KITLG: variants seen among roughly 807,000 people sequenced by gnomAD.
KITLG encodes c-Kit ligand.
A neutral mutation model predicts 34.1 loss-of-function variants in KITLG; 13 were observed. The ratio of observed to expected loss-of-function variants is 0.38; its 90% CI spans 0.25 to 0.61. The LOEUF is 0.61. Ranked by LOEUF, KITLG falls within the 20% of genes least tolerant of loss-of-function variation. The pLI, the probability that KITLG is intolerant of heterozygous loss-of-function variation, is 0.60. For synonymous variants in KITLG, 110 were observed against 104.0 expected, an observed-to-expected ratio of 1.06 and a Z score of -0.35; for missense variants, 292 against 318.9, an observed-to-expected ratio of 0.92 and a Z score of 0.64.
chr12:88,532,606 A>T, intron 2 of KITLG, 103 bp from the exon 3 acceptor site: 3 of 780,684 alleles, frequency 3.8e-6, no homozygotes, highest in Non-Finnish European at 6.5e-6. Context: ...TGTGCTTTTT[A>T]AAGTTACCAA....
At chr12:88,499,311 C>A (rs867660126) in intron 9 of KITLG, among the ~76,000 whole-genome samples, 4 of 152,156 alleles carry the variant, frequency 2.6e-5, no homozygotes, top group Non-Finnish European at 4.4e-5. Flanking sequence ...TGGTAACCAA[C>A]CATTGCCAAG....
chr12:88,547,302 T>C (rs1400900925), intron 1 of KITLG, among the ~76,000 whole-genome samples: 1 of 152,236 alleles, frequency 6.6e-6, no homozygotes, highest in South Asian at 2.1e-4. Context: ...TTTCTAAAAC[T>C]ACAATGCTAA....
intron 6 of KITLG, among the ~76,000 whole-genome samples, chr12:88,508,884 G>A (rs959865682): frequency 2.0e-5 from 3 of 152,112 alleles, no homozygotes; most frequent in South Asian, 2.1e-4. Flanking sequence ...ACGTGGACTC[G>A]TTTGGGATTT....
intron 9 of KITLG, among the ~76,000 whole-genome samples, chr12:88,500,056 C>G (rs541298587): frequency 1.3e-5 from 2 of 152,262 alleles, no homozygotes; most frequent in East Asian, 1.9e-4. Flanking sequence ...GAATTCAAAC[C>G]CTTTCTCAAA....
At chr12:88,523,412 A>C (rs914306751) in intron 3 of KITLG, among the ~76,000 whole-genome samples, 2 of 152,350 alleles carry the variant, frequency 1.3e-5, no homozygotes, top group African/African-American at 2.4e-5. Context: ...GAAAGCACAT[A>C]AAACTGAAGT....
At chr12:88,497,251 C>T (rs918705433) in intron 9 of KITLG, 70 bp from the exon 10 acceptor site, 20 of 348,058 alleles carry the variant, frequency 5.7e-5, no homozygotes, top group African/African-American at 2.8e-4. Flanking sequence ...TCTCAATAGC[C>T]GAAATCATAT....
At chr12:88,576,486 A>T (rs1871827868) in intron 1 of KITLG, among the ~76,000 whole-genome samples, 1 of 152,318 alleles carries the variant, frequency 6.6e-6, no homozygotes, top group South Asian at 2.1e-4. Context: ...ACATATAGTA[A>T]GCTACTATGC....
chr12:88,512,588 C>G, intron 6 of KITLG, among the ~76,000 whole-genome samples: 1 of 151,870 alleles, frequency 6.6e-6, no homozygotes, highest in Non-Finnish European at 1.5e-5. Context: ...CACTCATAGG[C>G]ATATTCTAGC....
intron 2 of KITLG, among the ~76,000 whole-genome samples, chr12:88,535,668 T>C (rs1362290249): frequency 1.3e-5 from 2 of 152,200 alleles, no homozygotes; most frequent in Non-Finnish European, 2.9e-5. Context: ...GGTCGCTTAA[T>C]AAATTATTGT....
intron 2 of KITLG, among the ~76,000 whole-genome samples, chr12:88,537,072 T>C (rs1347822190): frequency 2.0e-5 from 3 of 152,048 alleles, no homozygotes; most frequent in Admixed American, 6.6e-5. Flanking sequence ...GGAAAGAAAT[T>C]TGGGGATTTC....
In KITLG at chr12:88,496,992, G is replaced by C. The variant is rs992848911; in HGVS notation, c.*227C>G. The C allele has an allele frequency of 3.5e-6, 1 of 283,378 alleles. No individual in the cohort carries two copies. The highest frequency in any genetic ancestry group is 3.1e-5 in the South Asian group (1 of 31,850). 17.6% of individuals were successfully genotyped at this position (283,378 alleles called of 1,614,324 possible). A position where few individuals can be genotyped will look rare whatever the true frequency, so the allele number is the denominator to read the frequency against. On this transcript the variant is annotated 3_prime_UTR_variant, in exon 10 of 10. Coordinates refer to ENST00000644744, the MANE Select transcript of KITLG (RefSeq NM_000899.5). ...TCCTTAAAATAGAGTCCTGCTCCAT[G>C]CAAGTTCTTCTTTATAGATGATTAA...
At chr12:88,539,371 C>A (rs544764556) in intron 2 of KITLG, among the ~76,000 whole-genome samples, 9 of 152,166 alleles carry the variant, frequency 5.9e-5, no homozygotes, top group African/African-American at 2.2e-4. Context: ...ATTTTCAGAC[C>A]TAGCAAAGTT....
At chr12:88,544,883 AAAT>A (rs1870660036) in intron 2 of KITLG, among the ~76,000 whole-genome samples, 1 of 152,104 alleles carries the variant, frequency 6.6e-6, no homozygotes, top group Non-Finnish European at 1.5e-5. Context: ...GTACCTCAAA[AAAT>A]AAACTTTTCA....
chr12:88,537,559 C>A (rs1401307007), intron 2 of KITLG, among the ~76,000 whole-genome samples: 1 of 151,728 alleles, frequency 6.6e-6, no homozygotes, highest in East Asian at 1.9e-4. Flanking sequence ...AATCATACCC[C>A]AAACCTCAGC....
intron 1 of KITLG, among the ~76,000 whole-genome samples, chr12:88,578,888 T>G (rs1045563211): frequency 1.3e-5 from 2 of 152,264 alleles, no homozygotes; most frequent in Non-Finnish European, 2.9e-5. Context: ...ACTTTTCTTT[T>G]GTTGCAAGAA....
chr12:88,568,358 C>T (rs1324797945), intron 1 of KITLG, among the ~76,000 whole-genome samples: 2 of 151,736 alleles, frequency 1.3e-5, no homozygotes, highest in East Asian at 3.9e-4. Context: ...CAAGGTCTCA[C>T]TATGTTGCCC....
intron 1 of KITLG, among the ~76,000 whole-genome samples, chr12:88,568,728 T>C (rs1871539220): frequency 1.3e-5 from 2 of 152,246 alleles, no homozygotes; most frequent in East Asian, 1.9e-4. Context: ...CTGAAAAACA[T>C]TGTTTTCTAA....
intron 1 of KITLG, among the ~76,000 whole-genome samples, chr12:88,552,892 T>C (rs759667063): frequency 9.2e-5 from 14 of 152,166 alleles, no homozygotes; most frequent in Admixed American, 3.3e-4. Flanking sequence ...TATAAAATGA[T>C]AGTAAAAATA....
chr12:88,571,297 A>C (rs180755818), intron 1 of KITLG, among the ~76,000 whole-genome samples: 1 of 152,196 alleles, frequency 6.6e-6, no homozygotes, highest in Non-Finnish European at 1.5e-5. Context: ...TATCACATCA[A>C]TACTACTACT....
Sources: allele counts gnomAD v4.1 joint callset (sites outside exome capture counted in the v4.1 genomes callset), GRCh38; gene constraint gnomAD v4.1.1; transcripts MANE v1.5; gene names NCBI Gene and HGNC (gene_info 2026-07-23, HGNC 2026-07-21).